DOP1B: variants seen among roughly 807,000 people sequenced by gnomAD.
DOP1B encodes protein DOP1B.
A neutral mutation model predicts 233.5 loss-of-function variants in DOP1B; 174 were observed. That is an observed-to-expected ratio of 0.75 (90% CI 0.66 to 0.85). The LOEUF is 0.85. Ranked by LOEUF, DOP1B falls within the 40% of genes least tolerant of loss-of-function variation. The pLI is 0.00. For missense variants in DOP1B, 2,652 were observed against 2,846.6 expected (o/e 0.93, Z 1.56); for synonymous variants, 1,190 against 1,185.6 (o/e 1.00, Z -0.08).
At chr21:36,267,015 A>T (rs1483368678) in intron 26 of DOP1B, among the ~76,000 whole-genome samples, 1 of 152,154 alleles carries the variant, frequency 6.6e-6, no homozygotes, top group Non-Finnish European at 1.5e-5. Context: ...TCTCTCACCC[A>T]GCAGGCAGGT....
At chr21:36,250,771 T>C (rs1347351593) in intron 21 of DOP1B, among the ~76,000 whole-genome samples, 1 of 152,258 alleles carries the variant, frequency 6.6e-6, no homozygotes, top group Non-Finnish European at 1.5e-5. Context: ...AGGCTGAGGC[T>C]GTGGGGTTTC....
At chr21:36,249,029 T>A (rs2067002702) in intron 21 of DOP1B, among the ~76,000 whole-genome samples, 1 of 151,570 alleles carries the variant, frequency 6.6e-6, no homozygotes, top group African/African-American at 2.4e-5. Context: ...CGCTGGAACC[T>A]GGGAGGCGGA....
intron 18 of DOP1B, 58 bp from the exon 19 acceptor site, chr21:36,244,990 C>G: frequency 6.6e-7 from 1 of 1,508,658 alleles, no homozygotes; most frequent in African/African-American, 1.4e-5. Context: ...CGCCCTACAG[C>G]TAATGTATCA....
At chr21:36,261,709 AC>A in intron 24 of DOP1B, 2 of 939,054 alleles carry the variant, frequency 2.1e-6, no homozygotes, top group Non-Finnish European at 2.5e-6. Context: ...GGAGTTTGAG[AC>A]CAGCCTGGCC....
intron 2 of DOP1B, among the ~76,000 whole-genome samples, chr21:36,171,699 C>T (rs1425379650): frequency 6.6e-6 from 1 of 152,136 alleles, no homozygotes; most frequent in African/African-American, 2.4e-5. Flanking sequence ...AGAAGAAAGC[C>T]GCTCTCTTGA....
At position 36,278,206 on chromosome 21, in the gene DOP1B, C is replaced by T. The variant is rs764305397; in HGVS notation, c.5823-3C>T. Reference sequence around the variant, plus strand: ...ACCCTTCTCTCTTCCCACTCCCACTCAGTGCCTACAATGCTCCCAGCTTCC... The same window carrying T: ...ACCCTTCTCTCTTCCCACTCCCACTTAGTGCCTACAATGCTCCCAGCTTCC... On this transcript the variant is annotated splice_region_variant and splice_polypyrimidine_tract_variant and intron_variant, in intron 29 of 36. Transcript: ENST00000691173. 1 of 1,613,756 alleles carries T rather than the reference C, an allele frequency of 6.2e-7. No individual in the cohort carries two copies. The highest frequency in any genetic ancestry group is 8.5e-7 in the Non-Finnish European group (1 of 1,179,876).
At position 36,241,299 on chromosome 21, in the gene DOP1B, A is replaced by G. The variant is rs561343641; in HGVS notation, c.3067+1344A>G. 1.8e-3 allele frequency among the ~76,000 whole-genome samples: 278 copies of G among 151,978 alleles called. 2 individuals are homozygous for G. Among genetic ancestry groups the G allele is most frequent in the Non-Finnish European group, 2.7e-3 (186 of 67,948 alleles). On this transcript the variant is annotated intron_variant, in intron 18 of 36. Coordinates refer to ENST00000691173, the MANE Select transcript of DOP1B (RefSeq NM_001320714.2). ...AAAGAGTGAGACTCCATCTCAAAAA[A>G]AAAAGAAAGAAAAGAAGAACAAGTT... is the stretch of plus-strand genomic sequence containing the variant.
Position 36,268,985 on chromosome 21 carries a change from C to A in DOP1B, c.5488-1028C>A, listed in dbSNP as rs536740607. Among the ~76,000 whole-genome samples, 7 of 151,872 alleles carry A rather than the reference C, an allele frequency of 4.6e-5. No homozygotes were observed. In the East Asian group the frequency reaches 1.2e-3, roughly 26 times the overall value. On this transcript the variant is annotated intron_variant, in intron 26 of 36. Coordinates refer to ENST00000691173, the MANE Select transcript of DOP1B (RefSeq NM_001320714.2). ...GCCCGGCTGCAGTGAGTCTTGATTG[C>A]ACCACTACACTCCAGCCTGGTTGAC...
Position 36,252,833 on chromosome 21 carries a change from A to T in DOP1B, c.5122-939A>T, listed in dbSNP as rs144386710. Among the ~76,000 whole-genome samples, 838 of 152,298 alleles carry T rather than the reference A, an allele frequency of 5.5e-3. 10 individuals are homozygous for T. Among genetic ancestry groups the T allele is most frequent in the African/African-American group, 0.019 (793 of 41,562 alleles). On this transcript the variant is annotated intron_variant, in intron 22 of 36. Transcript: ENST00000691173. ...TCAGTTTGTATTTTGCCCGTTCTTT[A>T]TCCACTTGACTGGTCCATGATGAAG... is the stretch of plus-strand genomic sequence containing the variant.
intron 24 of DOP1B, among the ~76,000 whole-genome samples, chr21:36,262,897 C>A (rs11908740): frequency 0.33 from 47,493 of 144,484 alleles, 8,593 homozygotes; most frequent in East Asian, 0.58. Context: ...TCTTAAAAAA[C>A]AATAATAAAA....
At chr21:36,228,354 T>G (rs1432417047) in intron 13 of DOP1B, among the ~76,000 whole-genome samples, 2 of 151,920 alleles carry the variant, frequency 1.3e-5, no homozygotes, top group African/African-American at 4.8e-5. Context: ...TCCCAGTTAC[T>G]TGGGAGGCTG....
Position 36,263,619 on chromosome 21 carries a change from C to G in DOP1B, c.5389C>G (p.Leu1797Val), listed in dbSNP as rs1213358061. The G allele has an allele frequency of 2.4e-5, 39 of 1,614,192 alleles. No individual in the cohort carries two copies. Among genetic ancestry groups the G allele is most frequent in the Non-Finnish European group, 3.2e-5 (38 of 1,180,032 alleles). Reference protein sequence around the residue: ...GVLKESVQLNLAPPGYFLLLS... With the variant: ...GVLKESVQLNVAPPGYFLLLS... Reference sequence around the variant, plus strand: ...ATTGAAAGAGTCTGTACAGTTGAATCTAGCCCCACCTGGGTATTTTCTGCT... The same window carrying G: ...ATTGAAAGAGTCTGTACAGTTGAATGTAGCCCCACCTGGGTATTTTCTGCT... Residue 1797 changes from leucine to valine, a missense_variant, in exon 25 of 37, where the codon CTA (leucine) becomes GTA (valine). This residue lies in a region of DOP1B where 2,617 missense variants were observed against 2,794.3 expected (regional missense o/e 0.94). Coordinates refer to ENST00000691173, the MANE Select transcript of DOP1B (RefSeq NM_001320714.2).
chr21:36,166,987 T>TTGG (rs1356042388), intron 2 of DOP1B, among the ~76,000 whole-genome samples: 2 of 152,180 alleles, frequency 1.3e-5, no homozygotes, highest in African/African-American at 4.8e-5. Context: ...ATTCTTTGGT[T>TTGG]TTACAGCTCT....
chr21:36,263,893 G>A (rs1048142554), intron 26 of DOP1B, 79 bp downstream of exon 26: 2 of 1,335,676 alleles, frequency 1.5e-6, no homozygotes, highest in Non-Finnish European at 2.1e-6. Context: ...CAGATAGCAG[G>A]TAGACAAGAG....
At chr21:36,288,376 A>G (rs537322325) in intron 33 of DOP1B, among the ~76,000 whole-genome samples, 51 of 152,262 alleles carry the variant, frequency 3.3e-4, no homozygotes, top group African/African-American at 1.1e-3. Flanking sequence ...ACCATTTGAT[A>G]ATACTTACTA....
intron 22 of DOP1B, among the ~76,000 whole-genome samples, chr21:36,252,175 T>TAAA (rs77251657): frequency 2.0e-5 from 3 of 147,368 alleles, no homozygotes; most frequent in African/African-American, 7.5e-5. Context: ...AGTCCCTATC[T>TAAA]AAAAAAAAAA....
chr21:36,166,280 C>CA (rs1375323009), intron 2 of DOP1B, among the ~76,000 whole-genome samples: 1 of 151,466 alleles, frequency 6.6e-6, no homozygotes. Flanking sequence ...ACTAAAAATA[C>CA]AAAAAAATTA....
Position 36,235,798 on chromosome 21 carries a change from A to T in DOP1B, c.2623-1464A>T, listed in dbSNP as rs189682713. Among the ~76,000 whole-genome samples, 1,361 of 142,642 alleles carry T rather than the reference A, an allele frequency of 9.5e-3. 16 individuals are homozygous for T. The highest frequency in any genetic ancestry group is 0.032 in the African/African-American group (1,263 of 39,146). The allele number at this position is 142,642 out of a possible 152,430, so 93.6% of individuals were successfully genotyped here. A position where few individuals can be genotyped will look rare whatever the true frequency, so the allele number is the denominator to read the frequency against. On this transcript the variant is annotated intron_variant, in intron 15 of 36. Coordinates refer to ENST00000691173, the MANE Select transcript of DOP1B (RefSeq NM_001320714.2). Reference sequence around the variant, plus strand: ...CAACTCTCAAAAACCTTGCAAAAAAATTTTTTAAACCTTCCGGAAGGGAGT... The same window carrying T: ...CAACTCTCAAAAACCTTGCAAAAAATTTTTTTAAACCTTCCGGAAGGGAGT...
chr21:36,281,802 A>AG (rs201953913), intron 32 of DOP1B, among the ~76,000 whole-genome samples, 191 bp downstream of exon 32: 2,358 of 152,342 alleles, frequency 0.015, 27 homozygotes, highest in Middle Eastern at 0.048. Flanking sequence ...AAAGAGCAAG[A>AG]GGGGGCTGAA....
Sources: gnomAD v4.1 joint callset for allele counts (sites outside exome capture counted in the v4.1 genomes callset) on GRCh38, gnomAD v4.1.1 for gene constraint, gnomAD v4.1.1 regional missense constraint, MANE v1.5 for transcripts, NCBI Gene and HGNC (gene_info 2026-07-23, HGNC 2026-07-21) for gene names.